LARS2: variants seen among roughly 807,000 people sequenced by gnomAD.
The protein encoded by LARS2 is leucyl-tRNA synthetase 2, mitochondrial.
In LARS2, 81 loss-of-function variants were observed where a neutral mutation model predicts 116.6. The observed-to-expected ratio is 0.69, with a 90% confidence interval of 0.58 to 0.84. The LOEUF (loss-of-function observed/expected upper bound fraction) is 0.84. LARS2 is among the 40% of genes least tolerant of loss of function. The pLI is 0.00. For missense variants in LARS2, 968 were observed against 1,114.5 expected (o/e 0.87, Z 1.87); for synonymous variants, 396 against 407.2 (o/e 0.97, Z 0.33).
At chr3:45,535,920 G>A (rs1028200721) in intron 20 of LARS2, among the ~76,000 whole-genome samples, 7 of 152,118 alleles carry the variant, frequency 4.6e-5, no homozygotes, top group African/African-American at 1.7e-4. Flanking sequence ...GGGTGCACAG[G>A]ACCTCACATA....
intron 21 of LARS2, among the ~76,000 whole-genome samples, chr3:45,544,655 G>A (rs1700849862): frequency 6.6e-6 from 1 of 152,178 alleles, no homozygotes; most frequent in African/African-American, 2.4e-5. Flanking sequence ...CAAGGAAATG[G>A]TGGCAGGATG....
chr3:45,410,184 AC>A (rs1385294972), intron 4 of LARS2, among the ~76,000 whole-genome samples: 2 of 152,258 alleles, frequency 1.3e-5, no homozygotes, highest in Non-Finnish European at 2.9e-5. Context: ...CGCAACAGTT[AC>A]GTTATTCTGC....
intron 19 of LARS2, among the ~76,000 whole-genome samples, chr3:45,522,751 A>G (rs185731656): frequency 9.7e-4 from 148 of 152,166 alleles, no homozygotes; most frequent in Non-Finnish European, 6.6e-4. Context: ...AAAAAAAAAG[A>G]TACAAAAGTG....
intron 20 of LARS2, among the ~76,000 whole-genome samples, chr3:45,526,988 C>T (rs193247867): frequency 1.3e-5 from 2 of 152,296 alleles, no homozygotes; most frequent in African/African-American, 4.8e-5. Flanking sequence ...GGGTGAGTGG[C>T]ACCTCATCCA....
At chr3:45,426,161 C>T (rs561023114) in intron 6 of LARS2, among the ~76,000 whole-genome samples, 3 of 152,234 alleles carry the variant, frequency 2.0e-5, no homozygotes, top group African/African-American at 4.8e-5. Context: ...CATAGAGAAC[C>T]GGACCTCTGA....
At chr3:45,494,585 G>T (rs970026152) in intron 13 of LARS2, among the ~76,000 whole-genome samples, 1 of 152,174 alleles carries the variant, frequency 6.6e-6, no homozygotes, top group Non-Finnish European at 1.5e-5. Flanking sequence ...TTGATAGCTG[G>T]TCCTACCCAT....
intron 15 of LARS2, among the ~76,000 whole-genome samples, chr3:45,501,795 T>C (rs1360940078): frequency 6.6e-6 from 1 of 152,224 alleles, no homozygotes; most frequent in Non-Finnish European, 1.5e-5. Context: ...CTCCCACTAG[T>C]AGAAATGAGG....
chr3:45,428,250 T>G (rs1698631289), intron 6 of LARS2, among the ~76,000 whole-genome samples: 1 of 141,202 alleles, frequency 7.1e-6, no homozygotes, highest in African/African-American at 2.6e-5. Context: ...TTTTTTTTTT[T>G]TTTTTTTTTT....
At chr3:45,521,217 A>G (rs1028612758) in intron 19 of LARS2, among the ~76,000 whole-genome samples, 1 of 152,208 alleles carries the variant, frequency 6.6e-6, no homozygotes, top group African/African-American at 2.4e-5. Context: ...AGGCAGGAGA[A>G]TGGTGTGAAC....
chr3:45,415,874 T>TAG (rs1559461317), intron 4 of LARS2, among the ~76,000 whole-genome samples: 2 of 79,374 alleles, frequency 2.5e-5, no homozygotes, highest in Admixed American at 1.0e-4. Context: ...TATATATATA[T>TAG]ATAGAGAGAG....
At chr3:45,426,433 CG>C (rs1478866380) in intron 6 of LARS2, among the ~76,000 whole-genome samples, 3 of 152,162 alleles carry the variant, frequency 2.0e-5, no homozygotes, top group Admixed American at 2.0e-4. Flanking sequence ...AGCAGATCTC[CG>C]GCTCTGGATT....
chr3:45,433,204 A>G (rs1283952181), intron 6 of LARS2, among the ~76,000 whole-genome samples: 1 of 152,072 alleles, frequency 6.6e-6, no homozygotes, highest in Non-Finnish European at 1.5e-5. Flanking sequence ...TTTAAAATAC[A>G]TTCTTCCAAT....
rs1408442634 is a variant in LARS2, at chr3:45,394,693, T to C, written c.234+6T>C. 6.3e-7 allele frequency: 1 copy of C among 1,578,738 alleles called. No individual in the cohort carries two copies. Among genetic ancestry groups the C allele is most frequent in the South Asian group, 1.1e-5 (1 of 90,308 alleles). On this transcript the variant is annotated splice_donor_region_variant and intron_variant, in intron 3 of 21. Coordinates refer to ENST00000645846, the MANE Select transcript of LARS2 (RefSeq NM_015340.4). Reference sequence around the variant, plus strand: ...CCAAAATTTCAGAAGCTGATGTGAGTATTCTGAGAGATTCTAAGAGGGTAG... The same window carrying C: ...CCAAAATTTCAGAAGCTGATGTGAGCATTCTGAGAGATTCTAAGAGGGTAG...
chr3:45,418,968 T>C (rs854200), intron 5 of LARS2, among the ~76,000 whole-genome samples: 99,949 of 152,190 alleles, frequency 0.66, 33,917 homozygotes, highest in African/African-American at 0.73. Context: ...GTGCTTAGCA[T>C]AGGGTCTTGC....
chr3:45,412,734 G>T (rs189316538), intron 4 of LARS2, among the ~76,000 whole-genome samples: 6 of 152,320 alleles, frequency 3.9e-5, no homozygotes, highest in Non-Finnish European at 7.4e-5. Flanking sequence ...TGGCAAGCCA[G>T]CCTCCCCTGG....
At chr3:45,456,969 C>G (rs74940402) in intron 7 of LARS2, among the ~76,000 whole-genome samples, 5,270 of 152,206 alleles carry the variant, frequency 0.035, 241 homozygotes, top group East Asian at 0.098. Flanking sequence ...AGAGCACACC[C>G]GAAAGGAGTC....
intron 18 of LARS2, among the ~76,000 whole-genome samples, chr3:45,519,477 C>T (rs1269400635): frequency 3.0e-5 from 4 of 133,520 alleles, no homozygotes; most frequent in African/African-American, 5.3e-5. Context: ...GGTGACAAAG[C>T]GAGTCTCCGT....
chr3:45,389,203 T>C (rs1697896044), intron 1 of LARS2: 2 of 152,160 alleles, frequency 1.3e-5, no homozygotes, highest in South Asian at 4.1e-4. Context: ...GCACTTTCTT[T>C]TGAGTGTTGT....
intron 21 of LARS2, among the ~76,000 whole-genome samples, chr3:45,546,689 G>A (rs2125774015): frequency 6.6e-6 from 1 of 152,266 alleles, no homozygotes; most frequent in South Asian, 2.1e-4. Context: ...TTCAGAAACT[G>A]AGCCACGTGG....
Sources: gnomAD v4.1 joint callset for allele counts (sites outside exome capture counted in the v4.1 genomes callset) on GRCh38, gnomAD v4.1.1 for gene constraint, MANE v1.5 for transcripts, NCBI Gene and HGNC (gene_info 2026-07-23, HGNC 2026-07-21) for gene names.